Variants in NBEA observed in about 807,000 individuals in gnomAD.
NBEA encodes neurobeachin.
A neutral mutation model predicts 343.4 loss-of-function variants in NBEA; 44 were observed. The observed-to-expected ratio is 0.13, with a 90% CI of 0.10 to 0.16. NBEA has a LOEUF of 0.16. Among genes scored for constraint, NBEA ranks in the 10% least tolerant of loss-of-function variants. The pLI is 1.00. For synonymous variants in NBEA, 1,175 were observed against 1,238.7 expected, an observed-to-expected ratio of 0.95 and a Z score of 1.08; for missense variants, 2,555 against 3,631.3, an observed-to-expected ratio of 0.70 and a Z score of 7.62.
chr13:35,184,016 T>C lies in NBEA; in HGVS notation c.4872T>C (p.His1624=). The stretch of plus-strand genomic sequence containing the variant: ...CTATCCCTCATCCAAGTTTGAACCA[T>C]GGATTCCTTGCCAAGTTAATTCCTG... The part of the protein sequence containing the change: ...IPSIPHPSLN[H]GFLAKLIPEQ... Residue 1624 remains histidine (H), a synonymous_variant, in exon 30 of 59, where the codon CAT becomes CAC. Coordinates refer to ENST00000379939, the MANE Select transcript of NBEA (RefSeq NM_001385012.1). 6.2e-7 allele frequency: 1 copy of C among 1,611,988 alleles called. No individual in the cohort carries two copies. Among genetic ancestry groups the C allele is most frequent in the Non-Finnish European group, 8.5e-7 (1 of 1,178,648 alleles).
Position 35,620,142 on chromosome 13 carries a change from T to C in NBEA, c.7450-7939T>C, listed in dbSNP as rs371459446. Among the ~76,000 whole-genome samples the C allele has an allele frequency of 4.6e-5, 7 of 152,060 alleles. No individual in the cohort carries two copies. In the South Asian group the frequency reaches 1.2e-3, roughly 27 times the overall value. ...CTGTTGAGTGTTCCGGGTGATGTTTTATGTGTTTGCAAGGATCCCTGCCGT... is the reference window on the plus strand; with the variant it reads ...CTGTTGAGTGTTCCGGGTGATGTTTCATGTGTTTGCAAGGATCCCTGCCGT... On this transcript the variant is annotated intron_variant, in intron 48 of 58. Transcript: ENST00000379939.
At chr13:34,968,110 C>G (rs1395653976) in intron 1 of NBEA, among the ~76,000 whole-genome samples, 1 of 152,070 alleles carries the variant, frequency 6.6e-6, no homozygotes, top group African/African-American at 2.4e-5. Flanking sequence ...ATAAAGGAAA[C>G]AGCTTAGGAA....
intron 47 of NBEA, among the ~76,000 whole-genome samples, chr13:35,601,179 C>A (rs1460966847): frequency 1.7e-4 from 25 of 146,728 alleles, no homozygotes; most frequent in African/African-American, 4.6e-4. Context: ...TGCATCTCAA[C>A]AAAAAAAAAA....
Position 35,023,501 on chromosome 13 carries a change from C to T in NBEA, c.295-17432C>T, listed in dbSNP as rs560117622. On this transcript the variant is annotated intron_variant, in intron 1 of 58. Coordinates refer to ENST00000379939, the MANE Select transcript of NBEA (RefSeq NM_001385012.1). Reference sequence around the variant, plus strand: ...CTATAGTAGATCCTATAAAAGTATGCGATCATAGAGGAGGGTAGTATTAAT... The same window carrying T: ...CTATAGTAGATCCTATAAAAGTATGTGATCATAGAGGAGGGTAGTATTAAT... Among the ~76,000 whole-genome samples, 217 of 151,938 alleles carry T rather than the reference C, an allele frequency of 1.4e-3. 2 individuals are homozygous for T. Among genetic ancestry groups the T allele is most frequent in the African/African-American group, 4.7e-3 (193 of 41,428 alleles).
At chr13:35,333,955 T>G (rs1321674308) in intron 36 of NBEA, among the ~76,000 whole-genome samples, 6 of 152,132 alleles carry the variant, frequency 3.9e-5, no homozygotes, top group Admixed American at 3.9e-4. Flanking sequence ...TTGTTGGACA[T>G]TTAGGATGCT....
intron 33 of NBEA, among the ~76,000 whole-genome samples, chr13:35,231,844 C>G (rs2152770143): frequency 6.6e-6 from 1 of 152,184 alleles, no homozygotes; most frequent in East Asian, 1.9e-4. Context: ...ATTCATTTGT[C>G]TAAGCAGAAA....
At chr13:35,474,402 T>C (rs1423918072) in intron 41 of NBEA, 1 of 152,686 alleles carries the variant, frequency 6.5e-6, no homozygotes, top group East Asian at 1.9e-4. Flanking sequence ...ATTTATGGAA[T>C]GTTAGAAATA....
At chr13:35,240,027 A>C (rs2029944762) in intron 34 of NBEA, among the ~76,000 whole-genome samples, 1 of 150,490 alleles carries the variant, frequency 6.6e-6, no homozygotes, top group Non-Finnish European at 1.5e-5. Context: ...GTGCAAAAGT[A>C]ATTGCGATTT....
intron 41 of NBEA, among the ~76,000 whole-genome samples, chr13:35,530,300 C>T (rs969524218): frequency 2.0e-5 from 3 of 152,152 alleles, no homozygotes; most frequent in African/African-American, 7.2e-5. Flanking sequence ...TAGATTGGGG[C>T]TGAACCCTCC....
chr13:35,108,096 G>C (rs1331521819), intron 11 of NBEA, among the ~76,000 whole-genome samples: 1 of 151,996 alleles, frequency 6.6e-6, no homozygotes, highest in Non-Finnish European at 1.5e-5. Context: ...AGGTAAAATT[G>C]GTAAGACAAT....
At chr13:35,614,884 G>A (rs2082667770) in intron 48 of NBEA, among the ~76,000 whole-genome samples, 1 of 151,974 alleles carries the variant, frequency 6.6e-6, no homozygotes, top group Non-Finnish European at 1.5e-5. Flanking sequence ...CCATACCCTA[G>A]TGATAGTCCT....
chr13:35,539,160 C>G (rs2153003754), intron 41 of NBEA, among the ~76,000 whole-genome samples: 1 of 152,014 alleles, frequency 6.6e-6, no homozygotes, highest in East Asian at 1.9e-4. Context: ...GAATTCCTGC[C>G]CTCAGTGAGT....
chr13:35,329,232 C>T (rs1420360158), intron 36 of NBEA, among the ~76,000 whole-genome samples: 1 of 151,938 alleles, frequency 6.6e-6, no homozygotes, highest in African/African-American at 2.4e-5. Flanking sequence ...ACACTTATAC[C>T]ATGGTGGTGG....
intron 4 of NBEA, 126 bp downstream of exon 4, chr13:35,045,527 A>G: frequency 1.5e-6 from 1 of 687,262 alleles, no homozygotes; most frequent in South Asian, 2.1e-5. Flanking sequence ...TGGAAGTCAT[A>G]CAACCACTAC....
intron 36 of NBEA, among the ~76,000 whole-genome samples, chr13:35,316,745 T>C (rs1177184169): frequency 6.6e-6 from 1 of 152,210 alleles, no homozygotes; most frequent in Non-Finnish European, 1.5e-5. Flanking sequence ...AGCGTTCCTA[T>C]TTCTCCATAT....
At position 35,251,417 on chromosome 13, in the gene NBEA, G is replaced by A. The variant is rs560828567; in HGVS notation, c.5776+18798G>A. ...GCCATCTGTCACTACAGAGATCCTC[G>A]TCAGTGGTGGCTCACTTTGATGCTG... On this transcript the variant is annotated intron_variant, in intron 34 of 58. Coordinates refer to ENST00000379939, the MANE Select transcript of NBEA (RefSeq NM_001385012.1). 4.1e-5 allele frequency: 43 copies of A among 1,052,868 alleles called. No homozygotes were observed. In the Admixed American group the frequency reaches 5.0e-4, roughly 12 times the overall value. 65.2% of individuals were successfully genotyped at this position (1,052,868 alleles called of 1,614,324 possible).
intron 18 of NBEA, among the ~76,000 whole-genome samples, chr13:35,149,602 G>C (rs146535640): frequency 6.6e-6 from 1 of 152,288 alleles, no homozygotes. Flanking sequence ...CTGAAGGCTA[G>C]TGCCTAATAT....
chr13:35,560,716 C>A (rs2079820514), intron 44 of NBEA, among the ~76,000 whole-genome samples: 1 of 152,144 alleles, frequency 6.6e-6, no homozygotes, highest in Admixed American at 6.5e-5. Flanking sequence ...GGAGCCAGGT[C>A]TTCATTACCT....
intron 38 of NBEA, among the ~76,000 whole-genome samples, chr13:35,424,399 G>T (rs530616731): frequency 2.0e-5 from 3 of 152,154 alleles, no homozygotes; most frequent in African/African-American, 7.2e-5. Flanking sequence ...TTCATCTATT[G>T]AGATAATCAT....
Sources: allele counts gnomAD v4.1 joint callset (sites outside exome capture counted in the v4.1 genomes callset), GRCh38; gene constraint gnomAD v4.1.1; transcripts MANE v1.5; gene names NCBI Gene and HGNC (gene_info 2026-07-23, HGNC 2026-07-21).